Variants in PLCB3 observed in about 807,000 individuals in gnomAD.
The protein encoded by PLCB3 is 1-phosphatidylinositol 4,5-bisphosphate phosphodiesterase beta-3.
PLCB3 carries 54 observed loss-of-function variants against 152.1 expected under a neutral mutation model. The ratio of observed to expected loss-of-function variants is 0.36; its 90% CI spans 0.29 to 0.45. PLCB3 has a LOEUF of 0.45. Among genes scored for constraint, PLCB3 ranks in the 20% least tolerant of loss-of-function variants. The pLI, the probability that PLCB3 is intolerant of heterozygous loss-of-function variation, is 1.00. For missense variants in PLCB3, 1,248 were observed against 1,687.5 expected, an observed-to-expected ratio of 0.74 and a Z score of 4.56; for synonymous variants, 717 against 698.7, an observed-to-expected ratio of 1.03 and a Z score of -0.41.
rs968441266 is a variant in PLCB3 at position 64,267,783 on chromosome 11, C to T, written c.*227C>T. The T allele has an allele frequency of 1.6e-5, 8 of 494,004 alleles. No individual in the cohort carries two copies. Among genetic ancestry groups the T allele is most frequent in the Non-Finnish European group, 2.8e-5 (8 of 281,098 alleles). The allele number at this position is 494,004 out of a possible 1,614,324, so 30.6% of individuals were successfully genotyped here. A position where few individuals can be genotyped will look rare whatever the true frequency, so the allele number is the denominator to read the frequency against. On this transcript the variant is annotated 3_prime_UTR_variant, in exon 31 of 31. Transcript: ENST00000279230. This position sits in a 1 kb window ranked among gnomAD's most constrained non-coding sequence, Gnocchi z 5.2. ...GGTCAGGGCTTTGCTCCCTGTGACA[C>T]CCACACCCTCGAGCTAGCAGCGTCT...
chr11:64,267,098 C>A lies in PLCB3; in HGVS notation c.3415-87C>A. On this transcript the variant is annotated intron_variant, in intron 29 of 30. Transcript: ENST00000279230. The surrounding 1 kb of genome is among the most constrained non-coding windows in gnomAD (Gnocchi z 5.2). Reference sequence around the variant, plus strand: ...TGTGAGCCACTGCACCCGGCCTCGCCCACCTGACTTCTATACCCAGCCAGA... The same window carrying A: ...TGTGAGCCACTGCACCCGGCCTCGCACACCTGACTTCTATACCCAGCCAGA... 1 of 1,230,348 alleles carries A rather than the reference C, an allele frequency of 8.1e-7. No individual in the cohort carries two copies. The highest frequency in any genetic ancestry group is 1.2e-6 in the Non-Finnish European group (1 of 859,948). The allele number at this position is 1,230,348 out of a possible 1,614,324, so 76.2% of individuals were successfully genotyped here.
intron 1 of PLCB3, among the ~76,000 whole-genome samples, chr11:64,254,120 G>A (rs2031383739): frequency 6.6e-6 from 1 of 152,150 alleles, no homozygotes; most frequent in South Asian, 2.1e-4. Context: ...AGGGCAGGGT[G>A]TCCTGGCAAA....
Position 64,258,809 on chromosome 11 carries a change from G to T in PLCB3, c.1254-76G>T, listed in dbSNP as rs547914518. The T allele has an allele frequency of 7.2e-5, 115 of 1,602,768 alleles. No homozygotes were observed. In the East Asian group the frequency reaches 2.5e-3, roughly 35 times the overall value. On this transcript the variant is annotated intron_variant, in intron 11 of 30. Transcript: ENST00000279230. The surrounding 1 kb of genome is among the most constrained non-coding windows in gnomAD (Gnocchi z 7.2). ...CTCAGGGACCTCCAACCCTGCGAAC[G>T]GCCACTGACATGTCCCGTAGACCTC...
At chr11:64,252,994 G>A (rs2135036079) in intron 1 of PLCB3, among the ~76,000 whole-genome samples, 1 of 152,352 alleles carries the variant, frequency 6.6e-6, no homozygotes, top group Admixed American at 6.5e-5. Flanking sequence ...CCGGAGAAGT[G>A]CTGGGGCTGG....
downstream of PLCB3, chr11:64,268,822 A>T (rs1447325038): frequency 1.3e-5 from 2 of 152,234 alleles, no homozygotes; most frequent in African/African-American, 4.8e-5. Context: ...ATCTCCTGCC[A>T]ATTGAGTATC....
At chr11:64,254,353 A>G in intron 1 of PLCB3, 62 bp from the exon 2 acceptor site, 1 of 1,379,906 alleles carries the variant, frequency 7.2e-7, no homozygotes, top group South Asian at 1.2e-5. Flanking sequence ...GGAGGGCCCC[A>G]GGGGCCAGGC....
intron 21 of PLCB3, 44 bp from the exon 22 acceptor site, chr11:64,263,977 T>G: frequency 6.8e-7 from 1 of 1,474,474 alleles, no homozygotes; most frequent in Middle Eastern, 1.8e-4. Flanking sequence ...GGGGGTGGCC[T>G]GGGGGCTCTG....
At chr11:64,254,521 C>T (rs2031412035) in intron 2 of PLCB3, 29 bp downstream of exon 2, 1 of 1,602,874 alleles carries the variant, frequency 6.2e-7, no homozygotes, top group Non-Finnish European at 8.5e-7. Context: ...GCAGCTCGCT[C>T]AGGCCAAGGA....
Position 64,265,033 on chromosome 11 carries a change from C to T in PLCB3, c.2735C>T (p.Pro912Leu). Reference sequence around the variant, plus strand: ...CCGTCCTCAAACCCCACCCCCAGCCCACTGGATGCCTCCCCCCGCCGGCCC... The same window carrying T: ...CCGTCCTCAAACCCCACCCCCAGCCTACTGGATGCCTCCCCCCGCCGGCCC... ...SQPSSNPTPSPLDASPRRPPG... is the reference protein window; with the variant it reads ...SQPSSNPTPSLLDASPRRPPG... The change falls in exon 23 of 31, where the codon CCA becomes CTA. Residue 912 changes from proline (P) to leucine (L), a missense_variant. Physicochemically the swap from Pro to Leu is moderately conservative, Grantham distance 98 (BLOSUM62 -3). Coordinates refer to ENST00000279230, the MANE Select transcript of PLCB3 (RefSeq NM_000932.5). The T allele has an allele frequency of 6.5e-7, 1 of 1,546,934 alleles. No homozygotes were observed. The highest frequency in any genetic ancestry group is 1.2e-5 in the South Asian group (1 of 86,940).
In PLCB3 at chr11:64,265,870, G is replaced by C. The variant is rs750634729; in HGVS notation, c.3036-16G>C. The C allele has an allele frequency of 6.2e-7, 1 of 1,610,962 alleles. No homozygotes were observed. The highest frequency in any genetic ancestry group is 1.3e-5 in the African/African-American group (1 of 74,872). On this transcript the variant is annotated splice_polypyrimidine_tract_variant and intron_variant, in intron 25 of 30. Transcript: ENST00000279230. ...GTGACGGGCCCAGGCATCACCCAGA[G>C]GGGTTCTCCTCGCAGAGGTGGGGCC...
chr11:64,264,813 C>T, intron 22 of PLCB3, 138 bp from the exon 23 acceptor site: 3 of 732,982 alleles, frequency 4.1e-6, no homozygotes, highest in Non-Finnish European at 7.2e-6. Context: ...AGACAGCCTC[C>T]TGTTACAGAG....
At chr11:64,268,944 G>C (rs551549228), downstream of PLCB3, 10 of 152,476 alleles carry the variant, frequency 6.6e-5, no homozygotes, top group Admixed American at 2.0e-4. Context: ...AATGGCCCCA[G>C]ACTTCCTCAC....
intron 10 of PLCB3, among the ~76,000 whole-genome samples, chr11:64,257,338 G>C (rs2031594304): frequency 6.6e-6 from 1 of 152,092 alleles, no homozygotes; most frequent in Non-Finnish European, 1.5e-5. Context: ...AAGGGGGTTG[G>C]GTGCGGTGAC....
chr11:64,251,802 T>A, intron 1 of PLCB3, 54 bp downstream of exon 1: 1 of 1,081,834 alleles, frequency 9.2e-7, no homozygotes, highest in Non-Finnish European at 1.2e-6. Flanking sequence ...TCAGTCAAGC[T>A]CGACCAGACG....
In PLCB3 at chr11:64,258,994, G is replaced by C; in HGVS notation, c.1338+25G>C. The C allele has an allele frequency of 6.2e-7, 1 of 1,613,406 alleles. No individual in the cohort carries two copies. The highest frequency in any genetic ancestry group is 8.5e-7 in the Non-Finnish European group (1 of 1,179,660). ...GGTACGGGAGCTCGGAGCGAGGGGG[G>C]TGGCATGGGGGCCAGGGTGCTGCGG... On this transcript the variant is annotated intron_variant, in intron 12 of 30. Transcript: ENST00000279230. This position sits in a 1 kb window ranked among gnomAD's most constrained non-coding sequence, Gnocchi z 7.2.
intron 25 of PLCB3, 52 bp downstream of exon 25, chr11:64,265,554 A>T: frequency 6.5e-7 from 1 of 1,539,124 alleles, no homozygotes; most frequent in Non-Finnish European, 8.7e-7. Context: ...GCTGATGTGA[A>T]CATGGGGGTC....
downstream of PLCB3, chr11:64,269,224 C>T (rs1255970114): frequency 6.6e-6 from 1 of 152,528 alleles, no homozygotes; most frequent in Non-Finnish European, 1.5e-5. Flanking sequence ...ACCCTCACCT[C>T]ACCTTCCGGT....
At chr11:64,261,775 C>A in intron 16 of PLCB3, 110 bp downstream of exon 16, 1 of 1,398,740 alleles carries the variant, frequency 7.1e-7, no homozygotes, top group Non-Finnish European at 1.0e-6. Context: ...GGCCCTCCGG[C>A]GGCCCTCCTG....
chr11:64,264,856 G>T, intron 22 of PLCB3, 95 bp from the exon 23 acceptor site: 1 of 1,201,554 alleles, frequency 8.3e-7, no homozygotes, highest in East Asian at 2.3e-5. Context: ...AAGGGAGGCT[G>T]ACAGGGGTGC....
Sources: allele counts gnomAD v4.1 joint callset (sites outside exome capture counted in the v4.1 genomes callset), GRCh38; gene constraint gnomAD v4.1.1; non-coding constraint Gnocchi (gnomAD v3.1); transcripts MANE v1.5; gene names NCBI Gene and HGNC (gene_info 2026-07-23, HGNC 2026-07-21).